MBD5: variants seen among roughly 807,000 people sequenced by gnomAD.
MBD5 encodes the protein methyl-CpG binding domain protein 5.
Under a neutral mutation model 117.3 loss-of-function variants are expected in MBD5, and 13 were observed. That is an observed-to-expected ratio of 0.11 (90% CI 0.07 to 0.18). The LOEUF (loss-of-function observed/expected upper bound fraction) is 0.18. Ranked by LOEUF, MBD5 falls within the 10% of genes least tolerant of loss-of-function variation. The pLI is 1.00. For missense variants in MBD5, 1,879 were observed against 2,093.8 expected (o/e 0.90, Z 2.00); for synonymous variants, 727 against 766.4 (o/e 0.95, Z 0.85).
At chr2:148,151,363 T>G (rs530253205) in intron 1 of MBD5, among the ~76,000 whole-genome samples, 520 of 152,056 alleles carry the variant, frequency 3.4e-3, no homozygotes, top group East Asian at 8.3e-3. Context: ...ATTGAGGATT[T>G]TTGCATCAAT....
At chr2:148,295,911 G>T (rs982542172) in intron 3 of MBD5, 1 of 161,728 alleles carries the variant, frequency 6.2e-6, no homozygotes, top group East Asian at 1.9e-4. Flanking sequence ...CTCTAATCAT[G>T]GGTGGTTTTT....
At chr2:148,265,673 C>T (rs745805597) in intron 3 of MBD5, among the ~76,000 whole-genome samples, 2 of 152,088 alleles carry the variant, frequency 1.3e-5, no homozygotes, top group Non-Finnish European at 2.9e-5. Flanking sequence ...TTTACTCTTT[C>T]AAAACATTAT....
In MBD5 at chr2:148,427,657, G is replaced by A. The variant is rs183707545; in HGVS notation, c.-556-30546G>A. 5.5e-4 allele frequency among the ~76,000 whole-genome samples: 83 copies of A among 152,138 alleles called. 1 individual carries two copies. The highest frequency in any genetic ancestry group is 9.1e-4 in the Non-Finnish European group (62 of 68,002). ...CCTGTTGTGGGATGGGGGCAGGGGG[G>A]AGGGATAGCATTAGGAGATATACCT... is the stretch of plus-strand genomic sequence containing the variant. On this transcript the variant is annotated intron_variant, in intron 4 of 13. Coordinates refer to ENST00000642680, the MANE Select transcript of MBD5 (RefSeq NM_001378120.1).
chr2:148,154,194 T>TGG (rs1697785691), intron 1 of MBD5, among the ~76,000 whole-genome samples: 1 of 150,600 alleles, frequency 6.6e-6, no homozygotes, highest in South Asian at 2.1e-4. Context: ...TGGAGTACCC[T>TGG]GCCGTGTGAG....
At chr2:148,206,370 G>T (rs1699283269) in intron 2 of MBD5, among the ~76,000 whole-genome samples, 1 of 151,934 alleles carries the variant, frequency 6.6e-6, no homozygotes, top group Non-Finnish European at 1.5e-5. Flanking sequence ...ACATTTATGG[G>T]GTACATATGA....
intron 3 of MBD5, among the ~76,000 whole-genome samples, chr2:148,289,594 G>A (rs947823773): frequency 9.9e-5 from 15 of 151,928 alleles, no homozygotes; most frequent in South Asian, 2.1e-4. Flanking sequence ...TCTATTCTAA[G>A]GAAGCATAGA....
intron 4 of MBD5, among the ~76,000 whole-genome samples, chr2:148,411,622 T>C (rs919977960): frequency 1.3e-5 from 2 of 151,672 alleles, no homozygotes; most frequent in South Asian, 2.1e-4. Context: ...TGTTAAGCAT[T>C]TTTTAATGCT....
intron 11 of MBD5, among the ~76,000 whole-genome samples, chr2:148,495,181 G>GGAAGAAAATGGCTACCT (rs1389930755): frequency 1.3e-5 from 2 of 152,154 alleles, no homozygotes; most frequent in Non-Finnish European, 2.9e-5. Context: ...GGAATTCTTG[G>GGAAGAAAATGGCTACCT]GAAGAAAATG....
At chr2:148,338,592 A>G (rs1702856426) in intron 3 of MBD5, among the ~76,000 whole-genome samples, 2 of 152,238 alleles carry the variant, frequency 1.3e-5, no homozygotes, top group African/African-American at 2.4e-5. Flanking sequence ...TGGGGAAATG[A>G]CATTTCAGCT....
Position 148,469,295 on chromosome 2 carries a change from G to A in MBD5, c.1352G>A (p.Gly451Glu). The stretch of plus-strand genomic sequence containing the variant: ...GTGCACATGATGGGGACTGGAATTG[G>A]AAGGATTGAGGCATCGCCCCAAAGA... ...SPVHMMGTGI[G>E]RIEASPQRSR... The change falls in exon 8 of 14, where the codon GGA becomes GAA. Residue 451 changes from glycine (G) to glutamate (E), a missense_variant. Physicochemically the swap from Gly to Glu is moderately conservative, Grantham distance 98. Transcript: ENST00000642680. 1.2e-6 allele frequency: 2 copies of A among 1,613,880 alleles called. No homozygotes were observed. Among genetic ancestry groups the A allele is most frequent in the Non-Finnish European group, 1.7e-6 (2 of 1,179,936 alleles).
At chr2:148,500,917 T>A (rs928266148) in intron 11 of MBD5, among the ~76,000 whole-genome samples, 4 of 152,324 alleles carry the variant, frequency 2.6e-5, no homozygotes, top group South Asian at 2.1e-4. Flanking sequence ...TCTTTTTTTT[T>A]AAACAACACA....
At chr2:148,335,725 T>G (rs202064146) in intron 3 of MBD5, among the ~76,000 whole-genome samples, 3 of 151,366 alleles carry the variant, frequency 2.0e-5, no homozygotes, top group East Asian at 1.9e-4. Context: ...TCTTAAAGAA[T>G]AATAATAATA....
chr2:148,184,360 T>G (rs530831409), intron 2 of MBD5, among the ~76,000 whole-genome samples: 1 of 152,274 alleles, frequency 6.6e-6, no homozygotes, highest in South Asian at 2.1e-4. Context: ...GCACTGTCAA[T>G]CCCTTAGCCT....
At chr2:148,457,226 G>A (rs1200417162) in intron 4 of MBD5, among the ~76,000 whole-genome samples, 3 of 151,994 alleles carry the variant, frequency 2.0e-5, no homozygotes, top group African/African-American at 4.8e-5. Context: ...TTTTGAATCT[G>A]TGGACAATGC....
At chr2:148,067,696 C>A (rs534649405) in intron 1 of MBD5, among the ~76,000 whole-genome samples, 1 of 152,286 alleles carries the variant, frequency 6.6e-6, no homozygotes, top group East Asian at 1.9e-4. Flanking sequence ...TATCCCCAGC[C>A]TCCTATTCTC....
At chr2:148,047,056 G>C (rs192962876) in intron 1 of MBD5, among the ~76,000 whole-genome samples, 10 of 152,188 alleles carry the variant, frequency 6.6e-5, no homozygotes, top group Non-Finnish European at 1.0e-4. Context: ...TTCACATGCT[G>C]TCTTTTGTAC....
intron 2 of MBD5, among the ~76,000 whole-genome samples, chr2:148,217,378 T>G (rs1699583690): frequency 6.6e-6 from 1 of 152,196 alleles, no homozygotes; most frequent in Non-Finnish European, 1.5e-5. Context: ...GTGCTCTCTC[T>G]CTGCATCTGA....
At chr2:148,080,871 G>A (rs1395261267) in intron 1 of MBD5, among the ~76,000 whole-genome samples, 2 of 152,108 alleles carry the variant, frequency 1.3e-5, no homozygotes, top group Non-Finnish European at 2.9e-5. Flanking sequence ...GCTAAGATAA[G>A]AGCCTTTTTT....
intron 4 of MBD5, among the ~76,000 whole-genome samples, chr2:148,430,350 A>G (rs557519222): frequency 1.8e-4 from 28 of 152,154 alleles, no homozygotes; most frequent in African/African-American, 6.8e-4. Flanking sequence ...ATGTAATCCT[A>G]GCAGTCTGGA....
Sources: gnomAD v4.1 joint callset for allele counts (sites outside exome capture counted in the v4.1 genomes callset) on GRCh38, gnomAD v4.1.1 for gene constraint, MANE v1.5 for transcripts, NCBI Gene and HGNC (gene_info 2026-07-23, HGNC 2026-07-21) for gene names.